ARID4B: variants seen among roughly 807,000 people sequenced by gnomAD.
ARID4B encodes the protein AT-rich interaction domain 4B, also known as AT-rich interactive domain-containing protein 4B.
Under a neutral mutation model 147.5 loss-of-function variants are expected in ARID4B, and 26 were observed. The observed-to-expected ratio is 0.18, with a 90% CI of 0.13 to 0.24. The LOEUF is 0.24. Among genes scored for constraint, ARID4B ranks in the 10% least tolerant of loss-of-function variants. The pLI, the probability that ARID4B is intolerant of heterozygous loss-of-function variation, is 1.00. For synonymous variants in ARID4B, 512 were observed against 507.9 expected, an observed-to-expected ratio of 1.01 and a Z score of -0.11; for missense variants, 1,179 against 1,511.5, an observed-to-expected ratio of 0.78 and a Z score of 3.65.
chr1:235,185,511 C>T (rs980955822), intron 19 of ARID4B, among the ~76,000 whole-genome samples: 44 of 152,268 alleles, frequency 2.9e-4, no homozygotes, highest in Middle Eastern at 6.8e-3. Flanking sequence ...AGCTGTCATC[C>T]GGGGAATCCT....
intron 9 of ARID4B, 29 bp from the exon 10 acceptor site, chr1:235,231,218 G>GAAAAA: frequency 1.6e-6 from 2 of 1,262,136 alleles, no homozygotes; most frequent in Non-Finnish European, 1.1e-6. Flanking sequence ...TATAAGAGAA[G>GAAAAA]AAAAAAAACC....
At chr1:235,299,781 T>C (rs1297897207) in intron 2 of ARID4B, among the ~76,000 whole-genome samples, 1 of 152,332 alleles carries the variant, frequency 6.6e-6, no homozygotes, top group East Asian at 1.9e-4. Flanking sequence ...ATAATTCTTG[T>C]TCATTGGTGG....
intron 2 of ARID4B, among the ~76,000 whole-genome samples, chr1:235,274,871 T>A (rs1671217396): frequency 6.6e-6 from 1 of 152,216 alleles, no homozygotes. Flanking sequence ...AAACACTCTA[T>A]ATATAAATGT....
chr1:235,269,527 G>A (rs1670831755), intron 2 of ARID4B, among the ~76,000 whole-genome samples: 1 of 152,138 alleles, frequency 6.6e-6, no homozygotes, highest in Non-Finnish European at 1.5e-5. Flanking sequence ...ATTACACACT[G>A]GAGTACAATG....
At chr1:235,251,938 T>A (rs1285137165) in intron 6 of ARID4B, among the ~76,000 whole-genome samples, 2 of 152,188 alleles carry the variant, frequency 1.3e-5, no homozygotes, top group Admixed American at 1.3e-4. Context: ...TGCTAGAAAG[T>A]GCTGGTTAGA....
intron 2 of ARID4B, among the ~76,000 whole-genome samples, chr1:235,265,008 C>T (rs1414722774): frequency 3.4e-5 from 5 of 146,546 alleles, no homozygotes; most frequent in African/African-American, 1.3e-4. Context: ...TGCAGTGAGC[C>T]GAGATCATGC....
chr1:235,244,639 T>C (rs977277130), intron 7 of ARID4B, among the ~76,000 whole-genome samples: 1 of 152,140 alleles, frequency 6.6e-6, no homozygotes, highest in Non-Finnish European at 1.5e-5. Context: ...ATACGTGGAA[T>C]AACAGCTGCT....
chr1:235,197,063 T>G (rs1665558020), intron 17 of ARID4B, among the ~76,000 whole-genome samples: 1 of 152,084 alleles, frequency 6.6e-6, no homozygotes, highest in Non-Finnish European at 1.5e-5. Flanking sequence ...ATGCTGATGG[T>G]CTTCACAATT....
intron 2 of ARID4B, among the ~76,000 whole-genome samples, chr1:235,293,951 A>T (rs1042860199): frequency 9.2e-5 from 14 of 152,222 alleles, no homozygotes; most frequent in African/African-American, 3.1e-4. Context: ...ACTGTAAAAC[A>T]TCTTAAAATA....
chr1:235,269,734 T>C (rs1418611692), intron 2 of ARID4B, among the ~76,000 whole-genome samples: 4 of 152,088 alleles, frequency 2.6e-5, no homozygotes, highest in East Asian at 1.9e-4. Flanking sequence ...AAATTAGATA[T>C]AGAGCAAATG....
intron 17 of ARID4B, among the ~76,000 whole-genome samples, chr1:235,209,906 T>G (rs1310639541): frequency 6.6e-6 from 1 of 152,066 alleles, no homozygotes; most frequent in Non-Finnish European, 1.5e-5. Context: ...CACTCTTACA[T>G]TATTTGAGAA....
intron 2 of ARID4B, among the ~76,000 whole-genome samples, chr1:235,294,698 G>C (rs1038575008): frequency 1.3e-5 from 2 of 151,208 alleles, no homozygotes; most frequent in Non-Finnish European, 2.9e-5. Context: ...ATTTTTAGTA[G>C]AGACGGGGTT....
chr1:235,274,790 A>G (rs1478863612), intron 2 of ARID4B, among the ~76,000 whole-genome samples: 2 of 152,210 alleles, frequency 1.3e-5, no homozygotes, highest in Non-Finnish European at 2.9e-5. Context: ...CTATTAGTTG[A>G]CTGATTTTTA....
chr1:235,307,441 T>C (rs939802002), intron 2 of ARID4B, among the ~76,000 whole-genome samples: 1 of 151,964 alleles, frequency 6.6e-6, no homozygotes, highest in Non-Finnish European at 1.5e-5. Context: ...CTAGGCCCTG[T>C]CTCTTTACAA....
Position 235,175,211 on chromosome 1 carries a change from T to G in ARID4B, c.3637A>C (p.Lys1213Gln). The G allele has an allele frequency of 6.2e-7, 1 of 1,614,184 alleles. No individual in the cohort carries two copies. Among genetic ancestry groups the G allele is most frequent in the Non-Finnish European group, 8.5e-7 (1 of 1,180,004 alleles). Residue 1213 changes from lysine to glutamine, a missense_variant, in exon 22 of 24, where the codon AAA (lysine) becomes CAA (glutamine). Coordinates refer to ENST00000264183, the MANE Select transcript of ARID4B (RefSeq NM_016374.6). ...DLKEPSNRLPKVYKWSFQMSD... is the reference protein window; with the variant it reads ...DLKEPSNRLPQVYKWSFQMSD... ...ATCTGAAAACTCCATTTGTAAACTT[T>G]GGGTAATCGATTACTGGGTTCCTTG...
At chr1:235,177,224 C>T (rs1184387903) in intron 21 of ARID4B, among the ~76,000 whole-genome samples, 2 of 152,090 alleles carry the variant, frequency 1.3e-5, no homozygotes, top group Non-Finnish European at 2.9e-5. Context: ...ATAAAAATAA[C>T]ATGTAGTTGA....
chr1:235,189,183 A>C (rs2102944677), intron 19 of ARID4B, among the ~76,000 whole-genome samples: 1 of 151,608 alleles, frequency 6.6e-6, no homozygotes, highest in East Asian at 2.0e-4. Flanking sequence ...GGTGGATCAC[A>C]AGGTCAGGAG....
chr1:235,266,148 C>T (rs1274950179), intron 2 of ARID4B, among the ~76,000 whole-genome samples: 1 of 152,074 alleles, frequency 6.6e-6, no homozygotes, highest in Non-Finnish European at 1.5e-5. Flanking sequence ...TGTGGGGATG[C>T]TCCATAATAA....
At chr1:235,242,020 G>A (rs2103074501) in intron 7 of ARID4B, among the ~76,000 whole-genome samples, 1 of 152,076 alleles carries the variant, frequency 6.6e-6, no homozygotes, top group South Asian at 2.1e-4. Context: ...GGCGAAGGCA[G>A]GTGGATCACC....
Sources: allele counts gnomAD v4.1 joint callset (sites outside exome capture counted in the v4.1 genomes callset), GRCh38; gene constraint gnomAD v4.1.1; transcripts MANE v1.5; gene names NCBI Gene and HGNC (gene_info 2026-07-23, HGNC 2026-07-21).